The following GNAL variants were observed in gnomAD, a reference collection of about 807,000 sequenced individuals.
GNAL encodes G protein subunit alpha L.
In GNAL, 18 loss-of-function variants were observed where a neutral mutation model predicts 55.1. The observed-to-expected ratio is 0.33, with a 90% CI of 0.23 to 0.48. The LOEUF (loss-of-function observed/expected upper bound fraction) is 0.48, where lower values mean the gene tolerates loss of function less well. GNAL is among the 20% of genes least tolerant of loss of function. The pLI is 0.99. For missense variants in GNAL, 412 were observed against 614.1 expected (o/e 0.67, Z 3.48); for synonymous variants, 253 against 237.0 (o/e 1.07, Z -0.62).
At chr18:11,767,557 C>G (rs1354558541) in intron 4 of GNAL, among the ~76,000 whole-genome samples, 4 of 152,150 alleles carry the variant, frequency 2.6e-5, no homozygotes, top group Admixed American at 6.5e-5. Context: ...TGCTTGCACA[C>G]TTGCACTCTC....
chr18:11,844,196 G>A (rs1466777699), intron 5 of GNAL, among the ~76,000 whole-genome samples: 1 of 152,170 alleles, frequency 6.6e-6, no homozygotes, highest in Non-Finnish European at 1.5e-5. Context: ...CACTTTGAGA[G>A]GCCGAGGCAG....
At chr18:11,731,096 G>A (rs113148524) in intron 1 of GNAL, among the ~76,000 whole-genome samples, 3 of 152,200 alleles carry the variant, frequency 2.0e-5, no homozygotes, top group African/African-American at 7.2e-5. Context: ...AAAGAATGGG[G>A]TATGAGGTGT....
intron 5 of GNAL, among the ~76,000 whole-genome samples, chr18:11,827,403 A>C (rs2035274193): frequency 6.6e-6 from 1 of 152,016 alleles, no homozygotes; most frequent in African/African-American, 2.4e-5. Context: ...ACCTGAGGTC[A>C]GGAGTTCAAG....
Position 11,749,574 on chromosome 18 carries a change from G to A in GNAL, c.377-3279G>A, listed in dbSNP as rs75398574. On this transcript the variant is annotated intron_variant, in intron 1 of 11. Transcript: ENST00000334049. ...AGGCACTGAACCAGGTACCGGTGCC[G>A]CAGGTACAAGGATAGGCTCAGCCTC... Among the ~76,000 whole-genome samples the A allele has an allele frequency of 9.4e-3, 1,433 of 152,234 alleles. 27 individuals carry two copies. The highest frequency in any genetic ancestry group is 0.032 in the African/African-American group (1,332 of 41,530).
chr18:11,794,781 AAAAG>A (rs1326088559), intron 4 of GNAL, among the ~76,000 whole-genome samples: 4 of 151,714 alleles, frequency 2.6e-5, no homozygotes, highest in Non-Finnish European at 1.5e-5. Context: ...AAAAAAAAAA[AAAAG>A]GACAGGCCAG....
At chr18:11,815,597 C>T (rs1373294515) in intron 4 of GNAL, among the ~76,000 whole-genome samples, 1 of 152,150 alleles carries the variant, frequency 6.6e-6, no homozygotes, top group African/African-American at 2.4e-5. Context: ...CCAGGCCCCA[C>T]CTCCAACATT....
intron 4 of GNAL, among the ~76,000 whole-genome samples, chr18:11,784,757 G>GA (rs1336082543): frequency 2.6e-5 from 4 of 152,084 alleles, no homozygotes; most frequent in Non-Finnish European, 5.9e-5. Context: ...CAGTGGAATT[G>GA]AAAAAAACCA....
chr18:11,796,269 A>G (rs2143470048), intron 4 of GNAL, among the ~76,000 whole-genome samples: 1 of 152,298 alleles, frequency 6.6e-6, no homozygotes, highest in African/African-American at 2.4e-5. Context: ...GAAAAGTGCA[A>G]CAAAGGAAGA....
intron 10 of GNAL, among the ~76,000 whole-genome samples, chr18:11,872,681 C>T (rs948387539): frequency 6.6e-6 from 1 of 152,210 alleles, no homozygotes; most frequent in South Asian, 2.1e-4. Flanking sequence ...TGAGCTCTCC[C>T]TCTAGTGCCT....
intron 1 of GNAL, among the ~76,000 whole-genome samples, chr18:11,738,538 C>G (rs534224261): frequency 2.6e-5 from 4 of 152,248 alleles, no homozygotes; most frequent in African/African-American, 9.6e-5. Context: ...ACCTCCACTT[C>G]CCGGATTCAA....
intron 1 of GNAL, among the ~76,000 whole-genome samples, chr18:11,729,305 G>T (rs2032282784): frequency 6.6e-6 from 1 of 152,102 alleles, no homozygotes; most frequent in South Asian, 2.1e-4. Flanking sequence ...CCCCACCTGT[G>T]TGGGTTTTCA....
chr18:11,821,399 GA>G (rs995008464), intron 4 of GNAL, among the ~76,000 whole-genome samples: 1 of 152,218 alleles, frequency 6.6e-6, no homozygotes, highest in African/African-American at 2.4e-5. Flanking sequence ...CCCTTGGGTG[GA>G]TTACTTAACT....
intron 5 of GNAL, among the ~76,000 whole-genome samples, chr18:11,830,868 TAA>T (rs2035365534): frequency 1.3e-5 from 2 of 151,904 alleles, no homozygotes; most frequent in Non-Finnish European, 2.9e-5. Flanking sequence ...GTGAAAGAAA[TAA>T]GACACAAAAA....
At chr18:11,819,647 A>G (rs1335650183) in intron 4 of GNAL, among the ~76,000 whole-genome samples, 1 of 152,132 alleles carries the variant, frequency 6.6e-6, no homozygotes, top group Non-Finnish European at 1.5e-5. Flanking sequence ...CAGTTTTTAT[A>G]TACCCTCAGA....
Position 11,824,902 on chromosome 18 carries a change from C to A in GNAL, c.625-16C>A. 5.8e-6 allele frequency: 8 copies of A among 1,384,652 alleles called. No individual in the cohort carries two copies. The highest frequency in any genetic ancestry group is 1.5e-5 in the African/African-American group (1 of 67,402). 85.8% of individuals were successfully genotyped at this position (1,384,652 alleles called of 1,614,324 possible). A position where few individuals can be genotyped will look rare whatever the true frequency, so the allele number is the denominator to read the frequency against. On this transcript the variant is annotated splice_polypyrimidine_tract_variant and intron_variant, in intron 4 of 11. Transcript: ENST00000334049. ...ACACTTTTTTTTTTTTAATTTGTAACTCTTTCAAACTTTAGGAATTCTTTG... is the reference window on the plus strand; with the variant it reads ...ACACTTTTTTTTTTTTAATTTGTAAATCTTTCAAACTTTAGGAATTCTTTG...
At chr18:11,759,186 AAGG>A (rs1298770239) in intron 4 of GNAL, among the ~76,000 whole-genome samples, 1 of 152,138 alleles carries the variant, frequency 6.6e-6, no homozygotes, top group Non-Finnish European at 1.5e-5. Context: ...AAAAAACAAA[AAGG>A]AAGAAAAGAA....
In GNAL at chr18:11,751,259, G is replaced by C. The variant is rs1471225250; in HGVS notation, c.377-1594G>C. Reference sequence around the variant, plus strand: ...CCAAGTACAACACTGCAAACGCCAAGCTGCCGGCTCTGGCCCTATTGGAGG... The same window carrying C: ...CCAAGTACAACACTGCAAACGCCAACCTGCCGGCTCTGGCCCTATTGGAGG... On this transcript the variant is annotated intron_variant, in intron 1 of 11. Coordinates refer to ENST00000334049, the MANE Select transcript of GNAL (RefSeq NM_182978.4). The surrounding 1 kb of genome is among the most constrained non-coding windows in gnomAD (Gnocchi z 4.5). Among the ~76,000 whole-genome samples the C allele has an allele frequency of 1.3e-5, 2 of 152,146 alleles. No homozygotes were observed. The highest frequency in any genetic ancestry group is 2.4e-5 in the African/African-American group (1 of 41,424).
At chr18:11,769,170 ATAT>A (rs1456162885) in intron 4 of GNAL, among the ~76,000 whole-genome samples, 4 of 111,624 alleles carry the variant, frequency 3.6e-5, no homozygotes, top group South Asian at 3.1e-4. Context: ...TATGTAATAT[ATAT>A]TATAATATAG....
intron 4 of GNAL, among the ~76,000 whole-genome samples, chr18:11,799,863 G>C (rs551317146): frequency 2.6e-4 from 40 of 152,136 alleles, no homozygotes; most frequent in African/African-American, 9.2e-4. Flanking sequence ...GTGTGCACCT[G>C]TCTGTCTGGT....
Sources: gnomAD v4.1 joint callset for allele counts (sites outside exome capture counted in the v4.1 genomes callset) on GRCh38, gnomAD v4.1.1 for gene constraint, Gnocchi (gnomAD v3.1) non-coding constraint, MANE v1.5 for transcripts, NCBI Gene and HGNC (gene_info 2026-07-23, HGNC 2026-07-21) for gene names.